TOR1AIP1: variants seen among roughly 807,000 people sequenced by gnomAD.
The protein encoded by TOR1AIP1 is torsin-1A-interacting protein 1.
In TOR1AIP1, 54 loss-of-function variants were observed where a neutral mutation model predicts 63.3. That is an observed-to-expected ratio of 0.85 (90% CI 0.69 to 1.07). The LOEUF is 1.07. Ranked by LOEUF, TOR1AIP1 falls within the 50% of genes least tolerant of loss-of-function variation. The pLI is 0.00. For missense variants in TOR1AIP1, 736 were observed against 715.0 expected, an observed-to-expected ratio of 1.03 and a Z score of -0.33; for synonymous variants, 294 against 273.5, an observed-to-expected ratio of 1.07 and a Z score of -0.74.
intron 8 of TOR1AIP1, among the ~76,000 whole-genome samples, chr1:179,913,110 A>T (rs1648891458): frequency 6.6e-6 from 1 of 151,084 alleles, no homozygotes; most frequent in Non-Finnish European, 1.5e-5. Context: ...ATCATTTTTA[A>T]TTTCTTTTCT....
chr1:179,907,129 A>G (rs138074928), intron 6 of TOR1AIP1, among the ~76,000 whole-genome samples: 1 of 151,808 alleles, frequency 6.6e-6, no homozygotes, highest in South Asian at 2.1e-4. Context: ...CATGCCTGTA[A>G]TCCCAGCACT....
At chr1:179,898,935 A>G (rs899422403) in intron 3 of TOR1AIP1, among the ~76,000 whole-genome samples, 3 of 152,000 alleles carry the variant, frequency 2.0e-5, no homozygotes, top group African/African-American at 4.8e-5. Context: ...GTTGGCAAAT[A>G]TATTTCAGAT....
At chr1:179,915,759 G>A (rs573400944) in intron 9 of TOR1AIP1, among the ~76,000 whole-genome samples, 33 of 147,318 alleles carry the variant, frequency 2.2e-4, no homozygotes, top group African/African-American at 7.2e-4. Flanking sequence ...CTCCATCTCA[G>A]AAAAAAAAAA....
chr1:179,888,085 A>G (rs530899392), intron 2 of TOR1AIP1: 1 of 152,378 alleles, frequency 6.6e-6, no homozygotes, highest in South Asian at 2.1e-4. Context: ...AAAGATGGGA[A>G]CTGAAGTAGT....
intron 1 of TOR1AIP1, 60 bp downstream of exon 1, chr1:179,883,037 C>T (rs1370354417): frequency 3.3e-6 from 5 of 1,506,098 alleles, no homozygotes; most frequent in East Asian, 2.4e-5. Context: ...GGGGCGGGCG[C>T]GCGCCTCGGT....
intron 3 of TOR1AIP1, among the ~76,000 whole-genome samples, chr1:179,895,471 G>A (rs10913907): frequency 0.081 from 12,358 of 152,154 alleles, 843 homozygotes; most frequent in African/African-American, 0.19. Context: ...AGCTGGGTGT[G>A]GTGGCACGTG....
intron 8 of TOR1AIP1, among the ~76,000 whole-genome samples, chr1:179,910,604 T>C (rs1648803023): frequency 6.6e-6 from 1 of 152,228 alleles, no homozygotes; most frequent in South Asian, 2.1e-4. Flanking sequence ...CCTGACCTAT[T>C]ATAGTTAGGA....
chr1:179,885,019 G>T (rs1647873072), intron 2 of TOR1AIP1, among the ~76,000 whole-genome samples: 2 of 152,104 alleles, frequency 1.3e-5, no homozygotes, highest in African/African-American at 4.8e-5. Context: ...TCAAACCCAG[G>T]TTTGTCTTCT....
intron 2 of TOR1AIP1, among the ~76,000 whole-genome samples, chr1:179,885,685 T>C (rs576675175): frequency 2.0e-5 from 3 of 152,336 alleles, no homozygotes; most frequent in Admixed American, 1.3e-4. Flanking sequence ...AAACTTAGAA[T>C]AAGTATGTCT....
chr1:179,913,454 C>A, intron 8 of TOR1AIP1: 1 of 626,162 alleles, frequency 1.6e-6, no homozygotes, highest in Non-Finnish European at 2.8e-6. Flanking sequence ...TGGTCAGAAT[C>A]CCCAGAGGAA....
chr1:179,914,121 A>G (rs1165556491), intron 9 of TOR1AIP1, 67 bp downstream of exon 9: 2 of 1,447,896 alleles, frequency 1.4e-6, no homozygotes, highest in Non-Finnish European at 1.9e-6. Flanking sequence ...TTGTTTAAAA[A>G]TGTTTTTTGA....
At chr1:179,908,760 A>G in intron 8 of TOR1AIP1, 87 bp downstream of exon 8, 3 of 1,141,834 alleles carry the variant, frequency 2.6e-6, no homozygotes, top group Non-Finnish European at 1.3e-6. Context: ...TCAGATAAAC[A>G]TTTAGGTTGT....
intron 3 of TOR1AIP1, among the ~76,000 whole-genome samples, chr1:179,897,548 T>C (rs1648326339): frequency 6.6e-6 from 1 of 152,258 alleles, no homozygotes; most frequent in Admixed American, 6.5e-5. Flanking sequence ...TGTACTGTAC[T>C]ATTCTGATAG....
In TOR1AIP1 at chr1:179,882,642, C is replaced by T. The variant is rs754827433; in HGVS notation, c.140C>T (p.Thr47Ile). Reference protein sequence around the residue: ...GGSSDAPAYRTPPSRQGRREV... With the variant: ...GGSSDAPAYRIPPSRQGRREV... ...AGCAGCGATGCGCCTGCGTACAGAA[C>T]TCCTCCGTCGCGCCAGGGCCGGCGG... The change falls in exon 1 of 10, where the codon ACT (threonine) becomes ATT (isoleucine). Residue 47 changes from threonine (T) to isoleucine (I), a missense_variant. Physicochemically the swap from Thr to Ile is moderately conservative, Grantham distance 89. Transcript: ENST00000606911. 4 of 1,570,742 alleles carry T rather than the reference C, an allele frequency of 2.5e-6. No homozygotes were observed. The highest frequency in any genetic ancestry group is 2.6e-6 in the Non-Finnish European group (3 of 1,159,216).
At chr1:179,901,113 T>C (rs1218901577) in intron 4 of TOR1AIP1, among the ~76,000 whole-genome samples, 189 bp from the exon 5 acceptor site, 1 of 152,204 alleles carries the variant, frequency 6.6e-6, no homozygotes, top group African/African-American at 2.4e-5. Context: ...AGGACACAAA[T>C]TGAGATAAAT....
intron 1 of TOR1AIP1, chr1:179,883,830 C>G (rs529722629): frequency 2.2e-5 from 8 of 363,508 alleles, no homozygotes; most frequent in South Asian, 1.6e-4. Flanking sequence ...CACCCTGCCC[C>G]CCCCATTTTA....
At position 179,894,682 on chromosome 1, in the gene TOR1AIP1, A is replaced by G. The variant is rs1473777426; in HGVS notation, c.610+5313A>G. ...CTGTCGGCAACAAGAGCAAGACTCCATCTCAAAAAAAAAAAGAAAGGAAGG... is the reference window on the plus strand; with the variant it reads ...CTGTCGGCAACAAGAGCAAGACTCCGTCTCAAAAAAAAAAAGAAAGGAAGG... On this transcript the variant is annotated intron_variant, in intron 3 of 9. Transcript: ENST00000606911. Among the ~76,000 whole-genome samples the G allele has an allele frequency of 2.6e-5, 4 of 152,064 alleles. No individual in the cohort carries two copies. The East Asian group carries it at 7.7e-4, about 29-fold the overall frequency.
chr1:179,905,891 G>A (rs954664155), intron 6 of TOR1AIP1, among the ~76,000 whole-genome samples: 11 of 152,008 alleles, frequency 7.2e-5, no homozygotes, highest in Non-Finnish European at 1.3e-4. Context: ...AGGCAACGGC[G>A]GCAGTGAACT....
chr1:179,899,187 C>T (rs1648372344), intron 3 of TOR1AIP1, among the ~76,000 whole-genome samples: 1 of 151,764 alleles, frequency 6.6e-6, no homozygotes, highest in African/African-American at 2.4e-5. Flanking sequence ...AATCATGCTA[C>T]TTCTCTACAT....
Sources: allele counts gnomAD v4.1 joint callset (sites outside exome capture counted in the v4.1 genomes callset), GRCh38; gene constraint gnomAD v4.1.1; transcripts MANE v1.5; gene names NCBI Gene and HGNC (gene_info 2026-07-23, HGNC 2026-07-21).